The following PIK3AP1 variants were observed in gnomAD, a reference collection of about 807,000 sequenced individuals.
PIK3AP1 encodes phosphoinositide-3-kinase adaptor protein 1, also known as phosphoinositide 3-kinase adapter protein 1.
A neutral mutation model predicts 88.1 loss-of-function variants in PIK3AP1; 21 were observed. The observed-to-expected ratio is 0.24, with a 90% CI of 0.17 to 0.34. The LOEUF is 0.34. PIK3AP1 is among the 10% of genes least tolerant of loss of function. The pLI is 1.00. For synonymous variants in PIK3AP1, 398 were observed against 400.0 expected, an observed-to-expected ratio of 1.00 and a Z score of 0.06; for missense variants, 828 against 1,035.7, an observed-to-expected ratio of 0.80 and a Z score of 2.75.
At chr10:96,681,457 C>T (rs1843999299) in intron 2 of PIK3AP1, among the ~76,000 whole-genome samples, 2 of 152,192 alleles carry the variant, frequency 1.3e-5, no homozygotes, top group South Asian at 2.1e-4. Flanking sequence ...GCTGGCTCTC[C>T]TCTAGACACT....
chr10:96,683,882 G>A (rs1437534585), intron 2 of PIK3AP1, among the ~76,000 whole-genome samples: 1 of 152,168 alleles, frequency 6.6e-6, no homozygotes, highest in Non-Finnish European at 1.5e-5. Flanking sequence ...AAACATTCAA[G>A]ACTGTATATA....
At chr10:96,633,827 T>C (rs1255574251) in intron 8 of PIK3AP1, among the ~76,000 whole-genome samples, 1 of 152,248 alleles carries the variant, frequency 6.6e-6, no homozygotes, top group East Asian at 1.9e-4. Context: ...TATTTGAATA[T>C]ACCTAAAGTA....
chr10:96,700,096 C>T (rs546178590), intron 2 of PIK3AP1, among the ~76,000 whole-genome samples: 34 of 152,268 alleles, frequency 2.2e-4, no homozygotes, highest in Non-Finnish European at 4.3e-4. Flanking sequence ...AATTCTCACA[C>T]GAGCGGAAAT....
chr10:96,712,813 G>C (rs534265550), intron 1 of PIK3AP1, among the ~76,000 whole-genome samples: 1 of 152,340 alleles, frequency 6.6e-6, no homozygotes, highest in Admixed American at 6.5e-5. Context: ...GCTGTGCAAG[G>C]AGCCTGGAGC....
intron 6 of PIK3AP1, 93 bp from the exon 7 acceptor site, chr10:96,648,948 G>T: frequency 9.4e-7 from 1 of 1,066,584 alleles, no homozygotes; most frequent in Non-Finnish European, 1.3e-6. Flanking sequence ...GACTAGCATG[G>T]CAACAGAAAG....
At chr10:96,673,209 A>G (rs1275254095) in intron 2 of PIK3AP1, among the ~76,000 whole-genome samples, 1 of 152,198 alleles carries the variant, frequency 6.6e-6, no homozygotes. Flanking sequence ...GAAGGGTTGG[A>G]GGAAAATCTA....
At chr10:96,677,069 T>C (rs1169851351) in intron 2 of PIK3AP1, among the ~76,000 whole-genome samples, 1 of 152,080 alleles carries the variant, frequency 6.6e-6, no homozygotes, top group Non-Finnish European at 1.5e-5. Flanking sequence ...CTGAACACGG[T>C]TTGTTTTTCT....
chr10:96,691,752 G>A (rs2134274496), intron 2 of PIK3AP1, among the ~76,000 whole-genome samples: 1 of 152,106 alleles, frequency 6.6e-6, no homozygotes, highest in East Asian at 1.9e-4. Context: ...CATGTTAGTG[G>A]CTCCTAACTC....
chr10:96,700,100 C>T lies in PIK3AP1; in HGVS notation c.430+9467G>A, dbSNP rs572581694. 1.5e-4 allele frequency among the ~76,000 whole-genome samples: 23 copies of T among 152,272 alleles called. 1 individual carries two copies. The South Asian group carries it at 4.6e-3, about 30-fold the overall frequency. On this transcript the variant is annotated intron_variant, in intron 2 of 16. Transcript: ENST00000339364. ...TGCAAACTTGAAATTCTCACACGAGCGGAAATTTCAGCATTCGTGACTCCC... is the reference window on the plus strand; with the variant it reads ...TGCAAACTTGAAATTCTCACACGAGTGGAAATTTCAGCATTCGTGACTCCC...
intron 13 of PIK3AP1, among the ~76,000 whole-genome samples, chr10:96,610,529 C>T (rs991016689): frequency 8.8e-5 from 12 of 136,034 alleles, no homozygotes; most frequent in Non-Finnish European, 1.9e-4. Context: ...GCACAAGGAA[C>T]GGATGGTGGG....
At chr10:96,645,692 C>T (rs1418567136) in intron 7 of PIK3AP1, 30 bp from the exon 8 acceptor site, 3 of 1,549,224 alleles carry the variant, frequency 1.9e-6, no homozygotes, top group Non-Finnish European at 1.7e-6. Flanking sequence ...CCACGGCGCC[C>T]TGAGGCAGCC....
At chr10:96,703,584 AGATTTGAAGCAAAGAATAGAGCCCC>A (rs1480363899) in intron 2 of PIK3AP1, among the ~76,000 whole-genome samples, 2 of 152,178 alleles carry the variant, frequency 1.3e-5, no homozygotes, top group African/African-American at 4.8e-5. Flanking sequence ...TATTCCATTG[AGATTTGAAGCAAAGAATAGAGCCCC>A]AGTAAAAAGA....
At chr10:96,670,155 C>CAAAAA (rs35152022) in intron 2 of PIK3AP1, among the ~76,000 whole-genome samples, 2 of 91,440 alleles carry the variant, frequency 2.2e-5, no homozygotes, top group Admixed American at 1.2e-4. Context: ...AAGACTCCAT[C>CAAAAA]AAAAAAAAAA....
At chr10:96,701,915 G>GA (rs1260869863) in intron 2 of PIK3AP1, among the ~76,000 whole-genome samples, 1 of 152,092 alleles carries the variant, frequency 6.6e-6, no homozygotes, top group South Asian at 2.1e-4. Context: ...AATTATTTCA[G>GA]AAAAAAGTTT....
chr10:96,681,175 C>T (rs1015557262), intron 2 of PIK3AP1, among the ~76,000 whole-genome samples: 2 of 152,144 alleles, frequency 1.3e-5, no homozygotes, highest in Non-Finnish European at 2.9e-5. Flanking sequence ...ATTTCTCTTC[C>T]GTGTGTGCAC....
chr10:96,605,922 A>G lies in PIK3AP1; in HGVS notation c.2171-1873T>C, dbSNP rs373038189. On this transcript the variant is annotated intron_variant, in intron 14 of 16. Coordinates refer to ENST00000339364, the MANE Select transcript of PIK3AP1 (RefSeq NM_152309.3). ...AAGATGGTGAAACCCCGTATCTACT[A>G]AAAATACAAAAATTAGCTGGGCGTG... Among the ~76,000 whole-genome samples, 34 of 152,254 alleles carry G rather than the reference A, an allele frequency of 2.2e-4. 1 individual carries two copies. The East Asian group carries it at 3.7e-3, about 16-fold the overall frequency.
chr10:96,680,242 C>G (rs553410810), intron 2 of PIK3AP1, among the ~76,000 whole-genome samples: 43 of 152,148 alleles, frequency 2.8e-4, no homozygotes, highest in Admixed American at 2.2e-3. Flanking sequence ...GACAAAGGAG[C>G]CATTCTCTTA....
At chr10:96,665,609 G>T (rs565417938) in intron 2 of PIK3AP1, among the ~76,000 whole-genome samples, 1 of 152,308 alleles carries the variant, frequency 6.6e-6, no homozygotes, top group Non-Finnish European at 1.5e-5. Context: ...TCTTCATTTA[G>T]ATCATAATGC....
chr10:96,617,037 C>T (rs1589490431), intron 12 of PIK3AP1, among the ~76,000 whole-genome samples: 2 of 152,220 alleles, frequency 1.3e-5, no homozygotes, highest in East Asian at 1.9e-4. Context: ...GTCTCTGAGA[C>T]TGTGTTCTCA....
Sources: allele counts gnomAD v4.1 joint callset (sites outside exome capture counted in the v4.1 genomes callset), GRCh38; gene constraint gnomAD v4.1.1; transcripts MANE v1.5; gene names NCBI Gene and HGNC (gene_info 2026-07-23, HGNC 2026-07-21).